The following RPLP0 variants were observed in gnomAD, a reference collection of about 807,000 sequenced individuals.
RPLP0 encodes large ribosomal subunit protein uL10.
For synonymous variants in RPLP0, 137 were observed against 153.4 expected, an observed-to-expected ratio of 0.89 and a Z score of 0.79; for missense variants, 276 against 402.9, an observed-to-expected ratio of 0.69 and a Z score of 2.70.
rs568378934 is a variant in RPLP0 at position 120,198,757 on chromosome 12, G to A, written c.466-18C>T. 6.2e-7 allele frequency: 1 copy of A among 1,612,824 alleles called. No individual in the cohort carries two copies. The highest frequency in any genetic ancestry group is 1.7e-5 in the Admixed American group (1 of 60,018). On this transcript the variant is annotated intron_variant, in intron 5 of 7. Transcript: ENST00000392514. This position sits in a 1 kb window ranked among gnomAD's most constrained non-coding sequence, Gnocchi z 4.1. ...ACATCACTCTGAACCAGATAATAGT[G>A]GGGCAGTAAACACCTGTTGGACAAC... is the stretch of plus-strand genomic sequence containing the variant.
In RPLP0 at chr12:120,197,375, G is replaced by T; in HGVS notation, c.739C>A (p.Arg247=). 1 of 1,613,844 alleles carries T rather than the reference G, an allele frequency of 6.2e-7. No homozygotes were observed. Among genetic ancestry groups the T allele is most frequent in the Non-Finnish European group, 8.5e-7 (1 of 1,179,772 alleles). ...VPHSIINGYK[R]VLALSVETDY... is the part of the protein sequence containing the mutation. ...GTCTCCACAGACAAGGCCAGGACTC[G>T]TTTGTACCCGTTGATGATAGAATGG... is the stretch of plus-strand genomic sequence containing the variant. The change falls in exon 7 of 8, where the codon CGA becomes AGA. Residue 247 remains arginine, a synonymous_variant. Coordinates refer to ENST00000392514, the MANE Select transcript of RPLP0 (RefSeq NM_001002.4).
chr12:120,196,774 T>C lies in RPLP0; in HGVS notation c.953A>G (p.Ter318=), dbSNP rs1418942006. The C allele has an allele frequency of 2.6e-6, 4 of 1,552,454 alleles. No homozygotes were observed. Among genetic ancestry groups the C allele is most frequent in the Non-Finnish European group, 2.6e-6 (3 of 1,145,396 alleles). ...GCTAAGTTGGTTGCTTTTTGGTGAT[T>C]AGTCAAAGAGACCAAATCCCATATC... ...DEDMGFGLFD[*] Residue 318 remains the stop codon, a stop_retained_variant, in exon 8 of 8, where the codon TAA becomes TGA. Transcript: ENST00000392514.
chr12:120,197,041 G>C (rs1879210181), intron 7 of RPLP0, 107 bp from the exon 8 acceptor site: 2 of 1,556,612 alleles, frequency 1.3e-6, no homozygotes, highest in African/African-American at 2.7e-5. Context: ...AAGTCCGTGT[G>C]AAGCCTTTCC....
chr12:120,197,047 T>G (rs1393703909), intron 7 of RPLP0, 113 bp from the exon 8 acceptor site: 10 of 1,545,282 alleles, frequency 6.5e-6, no homozygotes, highest in East Asian at 4.5e-5. Context: ...GTGTGAAGCC[T>G]TTCCTGTCAG....
chr12:120,199,634 C>G lies in RPLP0; in HGVS notation c.55-149G>C, dbSNP rs553604773. 87 of 723,362 alleles carry G rather than the reference C, an allele frequency of 1.2e-4. No homozygotes were observed. In the African/African-American group the frequency reaches 1.3e-3, roughly 11 times the overall value. The allele number at this position is 723,362 out of a possible 1,614,324, so 44.8% of individuals were successfully genotyped here. On this transcript the variant is annotated intron_variant, in intron 2 of 7. Coordinates refer to ENST00000392514, the MANE Select transcript of RPLP0 (RefSeq NM_001002.4). ...AGGGAGATTGGGAGCTACGTTGTAA[C>G]ACTGCCAAACTGGATGATTGGCTAG...
Position 120,199,106 on chromosome 12 carries a change from T to C in RPLP0, c.318+12A>G. On this transcript the variant is annotated intron_variant, in intron 4 of 7. Transcript: ENST00000392514. ...AACAAAGTCTCTTTAGCCAACCCAATTGTCCCCTTACCTTATTGGCCAGCA... is the reference window on the plus strand; with the variant it reads ...AACAAAGTCTCTTTAGCCAACCCAACTGTCCCCTTACCTTATTGGCCAGCA... 3.1e-6 allele frequency: 5 copies of C among 1,612,460 alleles called. No homozygotes were observed. The highest frequency in any genetic ancestry group is 1.7e-5 in the Admixed American group (1 of 60,018).
chr12:120,198,645 A>G lies in RPLP0; in HGVS notation c.560T>C (p.Leu187Pro), dbSNP rs1443243695. The G allele has an allele frequency of 1.2e-6, 2 of 1,614,116 alleles. No homozygotes were observed. Among genetic ancestry groups the G allele is most frequent in the Non-Finnish European group, 1.7e-6 (2 of 1,180,024 alleles). The change falls in exon 6 of 8, where the codon CTG (leucine) becomes CCG (proline). Residue 187 changes from leucine (L) to proline (P), a missense_variant. Transcript: ENST00000392514. The surrounding 1 kb of genome is among the most constrained non-coding windows in gnomAD (Gnocchi z 4.1). ...MLNISPFSFG[L>P]VIQQVFDNGS... ...ATTGTCGAACACCTGCTGGATGACCAGCCCAAAGGAGAAGGGGGAGATGTT... is the reference window on the plus strand; with the variant it reads ...ATTGTCGAACACCTGCTGGATGACCGGCCCAAAGGAGAAGGGGGAGATGTT...
chr12:120,200,485 G>A (rs1450186242), intron 2 of RPLP0: 3 of 485,154 alleles, frequency 6.2e-6, no homozygotes, highest in African/African-American at 4.0e-5. Flanking sequence ...TATAAAGCGC[G>A]CTCTTTTAGA....
At chr12:120,200,880 G>A (rs1879428442) in intron 1 of RPLP0, 49 bp from the exon 2 acceptor site, 2 of 1,518,504 alleles carry the variant, frequency 1.3e-6, no homozygotes, top group East Asian at 2.5e-5. Flanking sequence ...CACCCATCCC[G>A]CGGTCCCGGG....
In RPLP0 at chr12:120,199,257, G is replaced by A. The variant is rs757170919; in HGVS notation, c.231-52C>T. 3.7e-6 allele frequency: 6 copies of A among 1,612,830 alleles called. No individual in the cohort carries two copies. The Admixed American group carries it at 1.0e-4, about 27-fold the overall frequency. On this transcript the variant is annotated intron_variant, in intron 3 of 7. Coordinates refer to ENST00000392514, the MANE Select transcript of RPLP0 (RefSeq NM_001002.4). ...ATCACCTTTCAGCACCATTCTCCAG[G>A]AAGAGGGAGACGGGCACTGGGGAGA...
chr12:120,199,970 T>TA, intron 2 of RPLP0: 1 of 451,314 alleles, frequency 2.2e-6, no homozygotes, highest in Admixed American at 2.4e-5. Flanking sequence ...GAAAATGTAA[T>TA]ACAAGCTATG....
intron 2 of RPLP0, 106 bp from the exon 3 acceptor site, chr12:120,199,591 C>CA: frequency 1.6e-6 from 2 of 1,223,638 alleles, no homozygotes; most frequent in Non-Finnish European, 1.1e-6. Context: ...TCCCTTTCTT[C>CA]TAAGCTTTTG....
At position 120,196,949 on chromosome 12, in the gene RPLP0, G is replaced by T. The variant is rs758143820; in HGVS notation, c.793-15C>A. ...AAGGCCTTGACCTGAAAGGAGGGGG[G>T]AAGTGGTCAAAATGGTCATCCACAC... is the stretch of plus-strand genomic sequence containing the variant. On this transcript the variant is annotated splice_polypyrimidine_tract_variant and intron_variant, in intron 7 of 7. Transcript: ENST00000392514. 9 of 1,613,000 alleles carry T rather than the reference G, an allele frequency of 5.6e-6. No homozygotes were observed. The highest frequency in any genetic ancestry group is 1.7e-5 in the Admixed American group (1 of 60,002).
intron 2 of RPLP0, chr12:120,199,976 C>G: frequency 6.6e-6 from 3 of 454,088 alleles, no homozygotes; most frequent in South Asian, 1.6e-5. Flanking sequence ...GTAATACAAG[C>G]TATGCTCTAC....
intron 4 of RPLP0, 45 bp from the exon 5 acceptor site, chr12:120,199,045 A>T (rs1225559429): frequency 6.2e-7 from 1 of 1,613,174 alleles, no homozygotes; most frequent in South Asian, 1.1e-5. Flanking sequence ...CCACTCACAC[A>T]ACCTGAGAAT....
At position 120,198,968 on chromosome 12, in the gene RPLP0, G is replaced by A. The variant is rs765544846; in HGVS notation, c.351C>T (p.Ala117=). The A allele has an allele frequency of 3.4e-5, 55 of 1,613,904 alleles. No homozygotes were observed. The East Asian group carries it at 1.2e-3, about 35-fold the overall frequency. The part of the protein sequence containing the change: ...VPAAARAGAI[A]PCEVTVPAQN... ...GGGCTGGCACAGTGACTTCACATGGGGCAATGGCACCAGCACGGGCAGCAG... is the reference window on the plus strand; with the variant it reads ...GGGCTGGCACAGTGACTTCACATGGAGCAATGGCACCAGCACGGGCAGCAG... The change falls in exon 5 of 8, where the codon GCC becomes GCT. Residue 117 remains alanine (A), a synonymous_variant. Coordinates refer to ENST00000392514, the MANE Select transcript of RPLP0 (RefSeq NM_001002.4). This position sits in a 1 kb window ranked among gnomAD's most constrained non-coding sequence, Gnocchi z 4.1.
rs756680488 is a variant in RPLP0 at position 120,198,710 on chromosome 12, G to A, written c.495C>T (p.Asp165=). The A allele has an allele frequency of 6.8e-6, 11 of 1,614,030 alleles. No individual in the cohort carries two copies. The highest frequency in any genetic ancestry group is 9.3e-6 in the Non-Finnish European group (11 of 1,179,884). The change falls in exon 6 of 8, where the codon GAC becomes GAT. Residue 165 remains aspartate, a synonymous_variant. Coordinates refer to ENST00000392514, the MANE Select transcript of RPLP0 (RefSeq NM_001002.4). This position sits in a 1 kb window ranked among gnomAD's most constrained non-coding sequence, Gnocchi z 4.1. ...LSDVQLIKTG[D]KVGASEATLL... Reference sequence around the variant, plus strand: ...GCGTGGCTTCGCTGGCTCCCACTTTGTCTCCAGTCTTGATCAGCTGCACAT... The same window carrying A: ...GCGTGGCTTCGCTGGCTCCCACTTTATCTCCAGTCTTGATCAGCTGCACAT...
rs893283480 is a variant in RPLP0 at position 120,200,652 on chromosome 12, C to T, written c.54+78G>A. On this transcript the variant is annotated intron_variant, in intron 2 of 7. Transcript: ENST00000392514. ...AATTCAGTAGCCGGTGTGAGTAGAC[C>T]CTCAGCACATAGCAGCTGACTGTCC... 10 of 1,506,872 alleles carry T rather than the reference C, an allele frequency of 6.6e-6. No individual in the cohort carries two copies. The African/African-American group carries it at 9.7e-5, about 15-fold the overall frequency. The allele number at this position is 1,506,872 out of a possible 1,614,324, so 93.3% of individuals were successfully genotyped here.
Position 120,199,633 on chromosome 12 carries a change from A to C in RPLP0, c.55-148T>G, listed in dbSNP as rs1879330058. 6.9e-6 allele frequency: 5 copies of C among 723,222 alleles called. No individual in the cohort carries two copies. The South Asian group carries it at 9.5e-5, about 14-fold the overall frequency. The allele number at this position is 723,222 out of a possible 1,614,324, so 44.8% of individuals were successfully genotyped here. A position where few individuals can be genotyped will look rare whatever the true frequency, so the allele number is the denominator to read the frequency against. On this transcript the variant is annotated intron_variant, in intron 2 of 7. Coordinates refer to ENST00000392514, the MANE Select transcript of RPLP0 (RefSeq NM_001002.4). Reference sequence around the variant, plus strand: ...GAGGGAGATTGGGAGCTACGTTGTAACACTGCCAAACTGGATGATTGGCTA... The same window carrying C: ...GAGGGAGATTGGGAGCTACGTTGTACCACTGCCAAACTGGATGATTGGCTA...
Sources: gnomAD v4.1 joint callset for allele counts on GRCh38, gnomAD v4.1.1 for gene constraint, Gnocchi (gnomAD v3.1) non-coding constraint, MANE v1.5 for transcripts, NCBI Gene and HGNC (gene_info 2026-07-23, HGNC 2026-07-21) for gene names.